THSD4: variants seen among roughly 807,000 people sequenced by gnomAD.
THSD4 encodes the protein thrombospondin type-1 domain-containing protein 4.
Under a neutral mutation model 119.0 loss-of-function variants are expected in THSD4, and 69 were observed. That is an observed-to-expected ratio of 0.58 (90% CI 0.48 to 0.71). The LOEUF (loss-of-function observed/expected upper bound fraction) is 0.71. THSD4 is among the 30% of genes least tolerant of loss of function. The probability of loss-of-function intolerance (pLI) is 0.00; values close to 1 mark genes in which losing one functional copy is unlikely to be tolerated. For synonymous variants in THSD4, 524 were observed against 540.4 expected (o/e 0.97, Z 0.42); for missense variants, 1,393 against 1,391.1 (o/e 1.00, Z -0.02).
At chr15:71,452,453 T>TC (rs1177709480) in intron 7 of THSD4, among the ~76,000 whole-genome samples, 1 of 138,018 alleles carries the variant, frequency 7.2e-6, no homozygotes, top group East Asian at 2.1e-4. Context: ...CGTGCCAGTC[T>TC]CCCCTCCTCC....
chr15:71,189,338 G>T (rs1298914382), intron 3 of THSD4, among the ~76,000 whole-genome samples: 1 of 152,210 alleles, frequency 6.6e-6, no homozygotes, highest in Non-Finnish European at 1.5e-5. Context: ...ATTCAAGCCT[G>T]ACTGTGCATT....
chr15:71,426,364 G>GCT (rs1278263581), intron 7 of THSD4, among the ~76,000 whole-genome samples: 1 of 114,742 alleles, frequency 8.7e-6, no homozygotes, highest in East Asian at 2.5e-4. Context: ...TGTAAGTATA[G>GCT]CTGTGTGTGT....
chr15:71,391,026 ATTT>A (rs66485449), intron 6 of THSD4, among the ~76,000 whole-genome samples: 2 of 126,510 alleles, frequency 1.6e-5, no homozygotes, highest in Non-Finnish European at 1.6e-5. Context: ...ATGCCGGCTA[ATTT>A]TTTTTTTTTT....
At chr15:71,363,502 T>G (rs1265232275) in intron 6 of THSD4, among the ~76,000 whole-genome samples, 1 of 152,182 alleles carries the variant, frequency 6.6e-6, no homozygotes. Flanking sequence ...GCATACTGTG[T>G]TTCTAGAATA....
At chr15:71,294,006 A>C (rs2044828350) in intron 6 of THSD4, among the ~76,000 whole-genome samples, 1 of 151,076 alleles carries the variant, frequency 6.6e-6, no homozygotes, top group African/African-American at 2.4e-5. Flanking sequence ...GTATTGTTTT[A>C]GATGTTTGAT....
At chr15:71,678,999 T>C (rs1473908049) in intron 8 of THSD4, among the ~76,000 whole-genome samples, 1 of 152,212 alleles carries the variant, frequency 6.6e-6, no homozygotes. Context: ...GGACTGATTT[T>C]CTTTCTTTGA....
chr15:71,322,970 AC>A (rs2045288362), intron 6 of THSD4, among the ~76,000 whole-genome samples: 1 of 151,932 alleles, frequency 6.6e-6, no homozygotes, highest in South Asian at 2.1e-4. Context: ...GGTAACACAC[AC>A]CTGTAGTCCC....
At chr15:71,553,478 C>T (rs572941062) in intron 7 of THSD4, among the ~76,000 whole-genome samples, 8 of 152,084 alleles carry the variant, frequency 5.3e-5, no homozygotes, top group African/African-American at 1.9e-4. Context: ...GGTTTTGTGC[C>T]ACCACACCCA....
chr15:71,225,565 T>G (rs144816821), intron 4 of THSD4, among the ~76,000 whole-genome samples: 1 of 142,384 alleles, frequency 7.0e-6, no homozygotes, highest in African/African-American at 2.6e-5. Context: ...TTTTTTTTTT[T>G]GAGACGGAGT....
At chr15:71,449,316 A>G (rs73441531) in intron 7 of THSD4, among the ~76,000 whole-genome samples, 9,457 of 152,280 alleles carry the variant, frequency 0.062, 398 homozygotes, top group African/African-American at 0.1. Context: ...TCCACTGAAC[A>G]CATTATTTGG....
chr15:71,221,283 A>G (rs1409054411), intron 4 of THSD4, among the ~76,000 whole-genome samples: 2 of 152,212 alleles, frequency 1.3e-5, no homozygotes, highest in African/African-American at 4.8e-5. Context: ...AAATACACAT[A>G]ACATAAAATT....
intron 7 of THSD4, among the ~76,000 whole-genome samples, chr15:71,524,665 C>T (rs1431943837): frequency 7.6e-6 from 1 of 131,506 alleles, no homozygotes; most frequent in African/African-American, 2.8e-5. Context: ...GGTGCAGTCT[C>T]AGCTCACTGC....
At chr15:71,548,831 G>C (rs2048882334) in intron 7 of THSD4, among the ~76,000 whole-genome samples, 1 of 152,200 alleles carries the variant, frequency 6.6e-6, no homozygotes, top group Admixed American at 6.5e-5. Flanking sequence ...CGAGAGGAGA[G>C]CTCATATGGA....
At chr15:71,456,564 T>G (rs1343980939) in intron 7 of THSD4, among the ~76,000 whole-genome samples, 1 of 152,138 alleles carries the variant, frequency 6.6e-6, no homozygotes, top group East Asian at 1.9e-4. Context: ...TACATAGCAG[T>G]TTGCCTGCAG....
chr15:71,529,150 G>T (rs192230113), intron 7 of THSD4, among the ~76,000 whole-genome samples: 2 of 152,312 alleles, frequency 1.3e-5, no homozygotes, highest in East Asian at 3.9e-4. Flanking sequence ...GTATTGAGGG[G>T]CATAGAGCCT....
At chr15:71,135,388 A>C (rs1038032167) in intron 1 of THSD4, among the ~76,000 whole-genome samples, 29 of 94,354 alleles carry the variant, frequency 3.1e-4, no homozygotes, top group African/African-American at 1.1e-3. Context: ...AACTTACTAA[A>C]TGACAAAAAA....
At chr15:71,371,949 C>A (rs2046056613) in intron 6 of THSD4, among the ~76,000 whole-genome samples, 1 of 152,192 alleles carries the variant, frequency 6.6e-6, no homozygotes, top group Non-Finnish European at 1.5e-5. Flanking sequence ...TTCACATAGT[C>A]CCATATTTCT....
chr15:71,341,472 C>A (rs773372187), intron 6 of THSD4: 5 of 1,613,218 alleles, frequency 3.1e-6, no homozygotes, highest in Non-Finnish European at 3.4e-6. Flanking sequence ...GGCCACCGAC[C>A]TTGTGTCCAG....
rs373570106 is a variant in THSD4, at chr15:71,738,020, G to C, written c.1906+13G>C. 38 of 1,612,444 alleles carry C rather than the reference G, an allele frequency of 2.4e-5. No individual in the cohort carries two copies. The highest frequency in any genetic ancestry group is 4.0e-5 in the African/African-American group (3 of 74,936). Reference sequence around the variant, plus strand: ...ACCTGTGGGAAAGGTGAGCCTGTGTGGGGGACGGGTGGATCCCTGCAGAAC... The same window carrying C: ...ACCTGTGGGAAAGGTGAGCCTGTGTCGGGGACGGGTGGATCCCTGCAGAAC... On this transcript the variant is annotated intron_variant, in intron 11 of 17. Transcript: ENST00000261862.
Sources: gnomAD v4.1 joint callset for allele counts (sites outside exome capture counted in the v4.1 genomes callset) on GRCh38, gnomAD v4.1.1 for gene constraint, MANE v1.5 for transcripts, NCBI Gene and HGNC (gene_info 2026-07-23, HGNC 2026-07-21) for gene names.